BTG3: variants seen among roughly 807,000 people sequenced by gnomAD.
BTG3 encodes protein BTG3.
A neutral mutation model predicts 25.8 loss-of-function variants in BTG3; 4 were observed. The observed-to-expected ratio is 0.16, with a 90% CI of 0.08 to 0.36. The LOEUF is 0.36. BTG3 is among the 10% of genes least tolerant of loss of function. The pLI is 1.00. For synonymous variants in BTG3, 107 were observed against 99.9 expected (o/e 1.07, Z -0.42); for missense variants, 201 against 304.9 (o/e 0.66, Z 2.54).
At chr21:17,610,051 A>T (rs2061698013) in intron 1 of BTG3, among the ~76,000 whole-genome samples, 1 of 152,222 alleles carries the variant, frequency 6.6e-6, no homozygotes, top group Non-Finnish European at 1.5e-5. Flanking sequence ...AATACATCAC[A>T]CTAAGGGAAA....
chr21:17,605,281 C>T lies in BTG3; in HGVS notation c.174-284G>A, dbSNP rs1185130466. ...ACCACCCATGTACATTAAATGAGCA[C>T]GGAGTATGAAAGTTGCACGAAATTT... is the stretch of plus-strand genomic sequence containing the variant. On this transcript the variant is annotated intron_variant, in intron 2 of 4. Transcript: ENST00000348354. 4 of 240,094 alleles carry T rather than the reference C, an allele frequency of 1.7e-5. No individual in the cohort carries two copies. In the East Asian group the frequency reaches 2.5e-4, roughly 15 times the overall value. The allele number at this position is 240,094 out of a possible 1,614,324, so 14.9% of individuals were successfully genotyped here. A position where few individuals can be genotyped will look rare whatever the true frequency, so the allele number is the denominator to read the frequency against.
intron 3 of BTG3, among the ~76,000 whole-genome samples, chr21:17,599,575 G>A (rs1250355742): frequency 6.6e-6 from 1 of 150,960 alleles, no homozygotes; most frequent in Non-Finnish European, 1.5e-5. Context: ...CCTCCCAGGT[G>A]TTCAAGTGAT....
At chr21:17,609,201 G>A in intron 1 of BTG3, 49 bp from the exon 2 acceptor site, 1 of 1,553,722 alleles carries the variant, frequency 6.4e-7, no homozygotes, top group Non-Finnish European at 8.7e-7. Flanking sequence ...ATAAAAACTG[G>A]GAAGATGAAG....
chr21:17,608,083 T>C (rs1285413453), intron 2 of BTG3, among the ~76,000 whole-genome samples: 1 of 152,132 alleles, frequency 6.6e-6, no homozygotes, highest in Non-Finnish European at 1.5e-5. Flanking sequence ...TCCCAGAACC[T>C]TGGCCAGGCA....
chr21:17,607,100 A>G (rs887232916), intron 2 of BTG3, among the ~76,000 whole-genome samples: 1 of 152,080 alleles, frequency 6.6e-6, no homozygotes, highest in Admixed American at 6.5e-5. Context: ...ACAACCCACT[A>G]TTTTTTCTAC....
At chr21:17,608,911 C>T (rs1315796502) in intron 2 of BTG3, 61 bp downstream of exon 2, 1 of 1,510,162 alleles carries the variant, frequency 6.6e-7, no homozygotes, top group Non-Finnish European at 8.9e-7. Flanking sequence ...CTTCAATCAT[C>T]CGGCCTTGAA....
At position 17,598,763 on chromosome 21, in the gene BTG3, CCTTGTTCTCATCTTT is replaced by C. The variant is rs1384032665; in HGVS notation, c.358_372del (p.Lys120_Lys124del). 1 of 1,613,994 alleles carries C rather than the reference CCTTGTTCTCATCTTT, an allele frequency of 6.2e-7. No individual in the cohort carries two copies. Among genetic ancestry groups the C allele is most frequent in the East Asian group, 2.2e-5 (1 of 44,894 alleles). ...CTGGTAACTTTCCTGGAGATCTCAT[CCTTGTTCTCATCTTT>C]ATTTTCAAAGCTGGCAACAATGAAT... On this transcript the variant is annotated inframe_deletion, in exon 4 of 5. Transcript: ENST00000348354.
intron 4 of BTG3, 50 bp from the exon 5 acceptor site, chr21:17,594,382 C>G: frequency 6.4e-7 from 1 of 1,558,780 alleles, no homozygotes; most frequent in East Asian, 2.3e-5. Context: ...AAATCATCAT[C>G]TATGTTCCAG....
At chr21:17,604,748 TA>T in intron 3 of BTG3, 111 bp downstream of exon 3, 1 of 1,325,130 alleles carries the variant, frequency 7.5e-7, no homozygotes, top group Non-Finnish European at 1.0e-6. Context: ...CTGAGAGAGT[TA>T]AACCACCAGC....
Position 17,593,850 on chromosome 21 carries a change from T to G in BTG3, c.*243A>C. On this transcript the variant is annotated 3_prime_UTR_variant, in exon 5 of 5. Transcript: ENST00000348354. ...GAGTTGATGCACAATATATAAATAC[T>G]CAAGTCCAATATTAAAAACTTAGGC... is the stretch of plus-strand genomic sequence containing the variant. 2.1e-6 allele frequency: 1 copy of G among 485,158 alleles called. No individual in the cohort carries two copies. The highest frequency in any genetic ancestry group is 3.6e-6 in the Non-Finnish European group (1 of 279,684). The allele number at this position is 485,158 out of a possible 1,614,324, so 30.1% of individuals were successfully genotyped here. A position where few individuals can be genotyped will look rare whatever the true frequency, so the allele number is the denominator to read the frequency against.
In BTG3 at chr21:17,604,920, C is replaced by T. The variant is rs770260469; in HGVS notation, c.251G>A (p.Ser84Asn). 1 of 1,614,168 alleles carries T rather than the reference C, an allele frequency of 6.2e-7. No individual in the cohort carries two copies. The highest frequency in any genetic ancestry group is 8.5e-7 in the Non-Finnish European group (1 of 1,180,032). The change falls in exon 3 of 5, where the codon AGT becomes AAT. Residue 84 changes from serine (S) to asparagine (N), a missense_variant. Coordinates refer to ENST00000348354, the MANE Select transcript of BTG3 (RefSeq NM_006806.5). ...KACENSCILY[S>N]DLGLPKELTL... ...GAGCTCCTTTGGCAAGCCCAGGTCA[C>T]TATACAAGATGCAGCTGTTTTCACA...
At chr21:17,608,889 G>A (rs540742901) in intron 2 of BTG3, 83 bp downstream of exon 2, 751 of 1,340,798 alleles carry the variant, frequency 5.6e-4, no homozygotes, top group Middle Eastern at 9.4e-4. Context: ...CTGTAGGCAT[G>A]GTCTGCACAC....
chr21:17,598,353 T>C (rs1219387979), intron 4 of BTG3, among the ~76,000 whole-genome samples: 2 of 152,236 alleles, frequency 1.3e-5, no homozygotes, highest in Non-Finnish European at 2.9e-5. Context: ...AGGAATGTTT[T>C]ACCATCATGA....
At chr21:17,604,147 A>T in intron 3 of BTG3, 1 of 1,283,034 alleles carries the variant, frequency 7.8e-7, no homozygotes, top group Middle Eastern at 2.2e-4. Context: ...TCACTTACAT[A>T]ATCAAAAAGG....
At chr21:17,612,239 G>A (rs367867104) in intron 1 of BTG3, 2 of 152,236 alleles carry the variant, frequency 1.3e-5, no homozygotes, top group Admixed American at 1.3e-4. Flanking sequence ...TCGCCAGGGT[G>A]CGCCTGCCCC....
At chr21:17,595,517 T>G (rs1387969115) in intron 4 of BTG3, among the ~76,000 whole-genome samples, 1 of 152,010 alleles carries the variant, frequency 6.6e-6, no homozygotes, top group Admixed American at 6.6e-5. Context: ...AAAATATATA[T>G]GTATACTGGA....
intron 2 of BTG3, among the ~76,000 whole-genome samples, chr21:17,607,983 T>C (rs1224578679): frequency 1.3e-5 from 2 of 152,196 alleles, no homozygotes; most frequent in Non-Finnish European, 2.9e-5. Context: ...CAAGTGAGAA[T>C]TACCTTCGTT....
chr21:17,611,036 C>T (rs1318484602), intron 1 of BTG3, among the ~76,000 whole-genome samples: 1 of 148,340 alleles, frequency 6.7e-6, no homozygotes, highest in Non-Finnish European at 1.5e-5. Context: ...CTTCTACAGC[C>T]AGCTAGCAGG....
At chr21:17,597,873 C>G (rs1910764510) in intron 4 of BTG3, among the ~76,000 whole-genome samples, 2 of 152,090 alleles carry the variant, frequency 1.3e-5, no homozygotes, top group African/African-American at 2.4e-5. Context: ...TCATTTTCAG[C>G]TCAACCTTAC....
Sources: allele counts gnomAD v4.1 joint callset (sites outside exome capture counted in the v4.1 genomes callset), GRCh38; gene constraint gnomAD v4.1.1; transcripts MANE v1.5; gene names NCBI Gene and HGNC (gene_info 2026-07-23, HGNC 2026-07-21).